The following ZSCAN5A variants were observed in gnomAD, a reference collection of about 807,000 sequenced individuals.
ZSCAN5A encodes zinc finger and SCAN domain containing 5A.
Under a neutral mutation model 23.7 loss-of-function variants are expected in ZSCAN5A, and 12 were observed. The observed-to-expected ratio is 0.51, with a 90% CI of 0.32 to 0.82. The LOEUF (loss-of-function observed/expected upper bound fraction) is 0.82. Ranked by LOEUF, ZSCAN5A falls within the 40% of genes least tolerant of loss-of-function variation. ZSCAN5A has a pLI of 0.03. For synonymous variants in ZSCAN5A, 257 were observed against 239.9 expected, an observed-to-expected ratio of 1.07 and a Z score of -0.66; for missense variants, 597 against 617.9, an observed-to-expected ratio of 0.97 and a Z score of 0.36.
chr19:56,261,538 A>C (rs1301446662), intron 2 of ZSCAN5A, among the ~76,000 whole-genome samples: 1 of 152,200 alleles, frequency 6.6e-6, no homozygotes, highest in Non-Finnish European at 1.5e-5. Context: ...AAGAGGCTGG[A>C]TAAAGCACAG....
intron 2 of ZSCAN5A, among the ~76,000 whole-genome samples, chr19:56,311,097 G>A (rs7252814): frequency 0.095 from 14,360 of 151,954 alleles, 734 homozygotes; most frequent in Middle Eastern, 0.13. Flanking sequence ...AGGGGGTTTC[G>A]TTGTTGTTGT....
chr19:56,253,614 T>C (rs957726989), intron 2 of ZSCAN5A, among the ~76,000 whole-genome samples: 1 of 85,960 alleles, frequency 1.2e-5, no homozygotes, highest in Non-Finnish European at 2.1e-5. Flanking sequence ...GAGGTGAGGG[T>C]TGTGATATTA....
At chr19:56,366,198 C>T (rs1005478053) in intron 1 of ZSCAN5A, among the ~76,000 whole-genome samples, 1 of 152,090 alleles carries the variant, frequency 6.6e-6, no homozygotes. Context: ...AGACTGAAAC[C>T]TTTGGGAGGC....
intron 2 of ZSCAN5A, chr19:56,284,222 C>G: frequency 4.1e-6 from 4 of 978,498 alleles, no homozygotes; most frequent in Non-Finnish European, 3.6e-6. Context: ...TACCTTGCCA[C>G]TTCACAATGC....
intron 2 of ZSCAN5A, among the ~76,000 whole-genome samples, chr19:56,262,350 T>G (rs1314849922): frequency 6.6e-6 from 1 of 151,106 alleles, no homozygotes; most frequent in Non-Finnish European, 1.5e-5. Flanking sequence ...CATAAATTAA[T>G]TTTGACTATT....
intron 2 of ZSCAN5A, among the ~76,000 whole-genome samples, chr19:56,287,773 C>A (rs907762351): frequency 9.9e-5 from 15 of 152,152 alleles, no homozygotes; most frequent in African/African-American, 2.9e-4. Context: ...GCATCAGAGG[C>A]AAGGTGGCCA....
rs746467059 is a variant in ZSCAN5A at position 56,244,410 on chromosome 19, G to C, written c.-127-19237C>G. ...CTGGAGGACCTGCTACGAAATAACA[G>C]AAGACCCAAGAAATGGGTGAGTGGG... On this transcript the variant is annotated intron_variant, in intron 2 of 5. Coordinates refer to ENST00000683990, the MANE Select transcript of ZSCAN5A (RefSeq NM_001322064.3). The C allele has an allele frequency of 2.2e-5, 34 of 1,576,858 alleles. No individual in the cohort carries two copies. In the South Asian group the frequency reaches 3.7e-4, roughly 17 times the overall value.
At chr19:56,285,251 T>C (rs1296761350) in intron 2 of ZSCAN5A, among the ~76,000 whole-genome samples, 1 of 152,232 alleles carries the variant, frequency 6.6e-6, no homozygotes, top group African/African-American at 2.4e-5. Flanking sequence ...TTTTTAAGTT[T>C]TATAAATAGC....
chr19:56,270,149 GAA>G (rs11350502), intron 2 of ZSCAN5A, among the ~76,000 whole-genome samples: 14,393 of 145,558 alleles, frequency 0.099, 1,368 homozygotes, highest in African/African-American at 0.25. Flanking sequence ...CACGCTGGGT[GAA>G]AAAAAAAAAA....
chr19:56,251,887 A>G (rs2036368720), intron 2 of ZSCAN5A, among the ~76,000 whole-genome samples: 1 of 152,200 alleles, frequency 6.6e-6, no homozygotes, highest in African/African-American at 2.4e-5. Flanking sequence ...ATATTTTTAA[A>G]GTGTGGTAAT....
intron 2 of ZSCAN5A, among the ~76,000 whole-genome samples, chr19:56,228,943 C>T (rs1878039973): frequency 6.6e-6 from 1 of 152,156 alleles, no homozygotes; most frequent in Admixed American, 6.5e-5. Flanking sequence ...CACATGGTCC[C>T]CACTCTGCAT....
chr19:56,325,968 T>C (rs1361045133), intron 2 of ZSCAN5A, among the ~76,000 whole-genome samples: 2 of 151,994 alleles, frequency 1.3e-5, no homozygotes, highest in Non-Finnish European at 2.9e-5. Flanking sequence ...AGTCTTGCTC[T>C]GTTGCCCAGG....
In ZSCAN5A at chr19:56,288,127, C is replaced by T. The variant is rs567892100; in HGVS notation, c.-128+25156G>A. On this transcript the variant is annotated intron_variant, in intron 2 of 5. Transcript: ENST00000683990. Reference sequence around the variant, plus strand: ...CAGGCCCAAATGGGTCCATGGTGTCCGCTGTTCTTAGGATGAAGGCTGAGG... The same window carrying T: ...CAGGCCCAAATGGGTCCATGGTGTCTGCTGTTCTTAGGATGAAGGCTGAGG... Among the ~76,000 whole-genome samples the T allele has an allele frequency of 1.4e-4, 21 of 152,220 alleles. No homozygotes were observed. In the South Asian group the frequency reaches 2.1e-3, roughly 15 times the overall value.
intron 2 of ZSCAN5A, among the ~76,000 whole-genome samples, chr19:56,254,631 C>T (rs1239574191): frequency 1.4e-5 from 2 of 147,734 alleles, no homozygotes; most frequent in African/African-American, 2.4e-5. Flanking sequence ...TGGATTATAT[C>T]GTAATTCTAT....
chr19:56,316,237 G>C (rs1600275937), upstream of ZSCAN5A: 1 of 152,196 alleles, frequency 6.6e-6, no homozygotes, highest in Non-Finnish European at 1.5e-5. Flanking sequence ...TTGGGGACCT[G>C]GGGCAAGCTC....
At chr19:56,333,029 G>A (rs1207865160) in intron 2 of ZSCAN5A, among the ~76,000 whole-genome samples, 1 of 151,896 alleles carries the variant, frequency 6.6e-6, no homozygotes, top group Non-Finnish European at 1.5e-5. Context: ...GAAGTCTGCT[G>A]TTGGTCTGAT....
chr19:56,355,796 C>G (rs1306421850), intron 2 of ZSCAN5A, among the ~76,000 whole-genome samples: 2 of 148,460 alleles, frequency 1.3e-5, no homozygotes, highest in Non-Finnish European at 3.0e-5. Context: ...ATTCTTTATT[C>G]CTTCATATGT....
At chr19:56,329,135 G>C (rs145938814) in intron 2 of ZSCAN5A, among the ~76,000 whole-genome samples, 5 of 152,216 alleles carry the variant, frequency 3.3e-5, no homozygotes, top group African/African-American at 1.2e-4. Flanking sequence ...GATCAGTTGA[G>C]GCCAGAAGTA....
rs374241611 is a variant in ZSCAN5A at position 56,349,245 on chromosome 19, C to A, written c.-358+13990G>T. Among the ~76,000 whole-genome samples, 75 of 152,224 alleles carry A rather than the reference C, an allele frequency of 4.9e-4. 1 individual carries two copies. The highest frequency in any genetic ancestry group is 1.6e-3 in the African/African-American group (68 of 41,518). On this transcript the variant is annotated intron_variant, in intron 2 of 6. Transcript: ENST00000587340. The stretch of plus-strand genomic sequence containing the variant: ...CCTCTGTCACCTTCCCTAAGCCAAG[C>A]TAGGAAGGGCCCTACACTGTTGTTC...
Sources: gnomAD v4.1 joint callset for allele counts (sites outside exome capture counted in the v4.1 genomes callset) on GRCh38, gnomAD v4.1.1 for gene constraint, MANE v1.5 for transcripts, NCBI Gene and HGNC (gene_info 2026-07-23, HGNC 2026-07-21) for gene names.